Variants in KIF1B observed in about 807,000 individuals in gnomAD.
The protein encoded by KIF1B is kinesin family member 1B.
KIF1B carries 76 observed loss-of-function variants against 241.9 expected under a neutral mutation model. The observed-to-expected ratio is 0.31, with a 90% confidence interval of 0.26 to 0.38. The LOEUF is 0.38. Among genes scored for constraint, KIF1B ranks in the 10% least tolerant of loss-of-function variants. KIF1B has a pLI of 1.00. For missense variants in KIF1B, 1,622 were observed against 2,271.4 expected (o/e 0.71, Z 5.81); for synonymous variants, 750 against 796.7 (o/e 0.94, Z 0.99).
chr1:10,332,723 G>A (rs1651999823), intron 27 of KIF1B, among the ~76,000 whole-genome samples: 1 of 150,978 alleles, frequency 6.6e-6, no homozygotes, highest in Non-Finnish European at 1.5e-5. Flanking sequence ...CACCGTGTTA[G>A]CCAGGATGGT....
chr1:10,216,464 TTC>T (rs1485193496), intron 1 of KIF1B, among the ~76,000 whole-genome samples: 3 of 152,196 alleles, frequency 2.0e-5, no homozygotes, highest in African/African-American at 7.2e-5. Context: ...GCAGTTTTTA[TTC>T]TTTCTTATTA....
chr1:10,334,769 C>T, intron 28 of KIF1B, 131 bp downstream of exon 28: 2 of 737,260 alleles, frequency 2.7e-6, no homozygotes. Context: ...TATACAGACA[C>T]ATACTTTGGA....
At chr1:10,302,305 C>A (rs967385623) in intron 22 of KIF1B, among the ~76,000 whole-genome samples, 1 of 151,834 alleles carries the variant, frequency 6.6e-6, no homozygotes, top group Non-Finnish European at 1.5e-5. Context: ...CTATGAGGAT[C>A]CTTTAAAAAA....
At chr1:10,307,928 T>C in intron 22 of KIF1B, 1 of 1,051,966 alleles carries the variant, frequency 9.5e-7, no homozygotes, top group Non-Finnish European at 1.1e-6. Context: ...CCCAGTGAAT[T>C]ATTTCTCTTT....
intron 1 of KIF1B, among the ~76,000 whole-genome samples, chr1:10,216,799 C>T (rs1019595342): frequency 6.6e-6 from 1 of 152,072 alleles, no homozygotes; most frequent in African/African-American, 2.4e-5. Context: ...TTCCCTTCCT[C>T]TACTTACAAA....
At chr1:10,345,806 T>C (rs200387170) in intron 34 of KIF1B, 39 bp from the exon 35 acceptor site, 1 of 1,494,584 alleles carries the variant, frequency 6.7e-7, no homozygotes, top group Admixed American at 1.7e-5. Flanking sequence ...CTGAGTAGTC[T>C]TGGACCAGAT....
intron 34 of KIF1B, chr1:10,344,752 A>G (rs1400395609): frequency 6.6e-6 from 1 of 152,176 alleles, no homozygotes; most frequent in African/African-American, 2.4e-5. Context: ...AAGCTCCTTT[A>G]TGTACATTAT....
In KIF1B at chr1:10,303,472, G is replaced by A. The variant is rs2102270329; in HGVS notation, c.2115+6226G>A. The A allele has an allele frequency of 6.2e-7, 1 of 1,614,190 alleles. No individual in the cohort carries two copies. Among genetic ancestry groups the A allele is most frequent in the Non-Finnish European group, 8.5e-7 (1 of 1,180,042 alleles). ...CAGTCGGCAGGAGATTGAAGCCCTG[G>A]CCATTGTCAAGATGAAGGAGCTTTG... is the stretch of plus-strand genomic sequence containing the variant. On this transcript the variant is annotated intron_variant, in intron 22 of 48. Transcript: ENST00000676179. The surrounding 1 kb of genome is among the most constrained non-coding windows in gnomAD (Gnocchi z 5.2).
At chr1:10,215,158 A>G (rs1311305948) in intron 1 of KIF1B, among the ~76,000 whole-genome samples, 18 of 68,476 alleles carry the variant, frequency 2.6e-4, no homozygotes, top group African/African-American at 1.7e-3. Context: ...ATATATATAT[A>G]TATATATATA....
intron 1 of KIF1B, among the ~76,000 whole-genome samples, chr1:10,227,333 C>T (rs1646923254): frequency 6.6e-6 from 1 of 152,070 alleles, no homozygotes; most frequent in South Asian, 2.1e-4. Flanking sequence ...GTGCCTGGCC[C>T]ACAAGCCCAG....
Position 10,380,014 on chromosome 1 carries a change from CAT to C in KIF1B, c.*3429_*3430del, listed in dbSNP as rs1638982307. ...ATTATATATTTTTTCCCTTCAGTCA[CAT>C]AGACTTCAGACAACTCTCCTATTTT... On this transcript the variant is annotated 3_prime_UTR_variant, in exon 49 of 49. Transcript: ENST00000676179. 4.4e-6 allele frequency: 1 copy of C among 229,338 alleles called. No homozygotes were observed. Among genetic ancestry groups the C allele is most frequent in the Non-Finnish European group, 8.7e-6 (1 of 115,402 alleles). 14.2% of individuals were successfully genotyped at this position (229,338 alleles called of 1,614,324 possible).
At position 10,337,391 on chromosome 1, in the gene KIF1B, C is replaced by G; in HGVS notation, c.3280C>G (p.Leu1094Val). Residue 1094 changes from leucine to valine, a missense_variant, in exon 31 of 49, where the codon CTG becomes GTG. Physicochemically the swap from Leu to Val is conservative, Grantham distance 32. Around this residue, in one of 7 missense-constraint regions of KIF1B, gnomAD observed 803 missense variants for 1,112.0 expected, o/e 0.72. Transcript: ENST00000676179. This position sits in a 1 kb window ranked among gnomAD's most constrained non-coding sequence, Gnocchi z 4.0. ...NDLDLKSSTL[L>V]DGKMVMEGFS... The stretch of plus-strand genomic sequence containing the variant: ...TTTAGATTTGAAGTCAAGCACTTTG[C>G]TGGATGGTAAGATGGTAATGGAAGG... 1 of 1,614,174 alleles carries G rather than the reference C, an allele frequency of 6.2e-7. No homozygotes were observed. The highest frequency in any genetic ancestry group is 8.5e-7 in the Non-Finnish European group (1 of 1,180,040).
chr1:10,236,866 G>A (rs1647058412), intron 2 of KIF1B, among the ~76,000 whole-genome samples: 2 of 151,520 alleles, frequency 1.3e-5, no homozygotes, highest in African/African-American at 2.4e-5. Context: ...GGCTTAGAAT[G>A]GAAGTGGGCA....
In KIF1B at chr1:10,336,671, C is replaced by T; in HGVS notation, c.3058C>T (p.Pro1020Ser). ...VQAIAADEEAPDYGSGIRQSG... is the reference protein window; with the variant it reads ...VQAIAADEEASDYGSGIRQSG... ...TTCTGCTTTAGCGGATGAAGAAGCT[C>T]CTGATTATGGCTCTGGAATTCGACA... is the stretch of plus-strand genomic sequence containing the variant. Residue 1020 changes from proline to serine, a missense_variant, in exon 29 of 49, where the codon CCT (proline) becomes TCT (serine). This residue lies in a region of KIF1B where 803 missense variants were observed against 1,112.0 expected (regional missense o/e 0.72). Transcript: ENST00000676179. 1 of 1,613,848 alleles carries T rather than the reference C, an allele frequency of 6.2e-7. No homozygotes were observed. Among genetic ancestry groups the T allele is most frequent in the Non-Finnish European group, 8.5e-7 (1 of 1,179,874 alleles).
chr1:10,280,206 G>C (rs1183920737), intron 14 of KIF1B, among the ~76,000 whole-genome samples: 1 of 151,906 alleles, frequency 6.6e-6, no homozygotes, highest in African/African-American at 2.4e-5. Context: ...CTAATTTTTA[G>C]ATTTGTACTG....
chr1:10,260,388 C>T (rs1648062385), intron 4 of KIF1B, among the ~76,000 whole-genome samples: 1 of 152,202 alleles, frequency 6.6e-6, no homozygotes, highest in Non-Finnish European at 1.5e-5. Context: ...ATGTGAAGGC[C>T]TAGGACATTG....
chr1:10,281,129 T>C (rs1301215096), intron 14 of KIF1B, among the ~76,000 whole-genome samples: 2 of 152,196 alleles, frequency 1.3e-5, no homozygotes, highest in Non-Finnish European at 1.5e-5. Context: ...AAACTGGCTT[T>C]AATTAAATAG....
chr1:10,352,616 T>TA lies in KIF1B; in HGVS notation c.3950-14dup, dbSNP rs748935615. ...AAATGTGTCCGTGCTCTGTTTTTTT[T>TA]ATCCTTTCTTTTAGGTCGTATTCGG... On this transcript the variant is annotated splice_polypyrimidine_tract_variant and intron_variant, in intron 37 of 48. Transcript: ENST00000676179. 6 of 1,603,230 alleles carry TA rather than the reference T, an allele frequency of 3.7e-6. No individual in the cohort carries two copies. Among genetic ancestry groups the TA allele is most frequent in the Non-Finnish European group, 5.1e-6 (6 of 1,170,242 alleles).
Position 10,278,908 on chromosome 1 carries a change from T to A in KIF1B, c.1181-189T>A, listed in dbSNP as rs535214076. On this transcript the variant is annotated intron_variant, in intron 13 of 48. Coordinates refer to ENST00000676179, the MANE Select transcript of KIF1B (RefSeq NM_001365951.3). ...GTTCTAATAAGATTTTCAAGGCCTC[T>A]TCTAGTTTAATTCTTCTTATTGATT... 6.8e-5 allele frequency: 34 copies of A among 497,752 alleles called. No homozygotes were observed. The South Asian group carries it at 1.2e-3, about 17-fold the overall frequency. The allele number at this position is 497,752 out of a possible 1,614,324, so 30.8% of individuals were successfully genotyped here.
Sources: gnomAD v4.1 joint callset for allele counts (sites outside exome capture counted in the v4.1 genomes callset) on GRCh38, gnomAD v4.1.1 for gene constraint, gnomAD v4.1.1 regional missense constraint, Gnocchi (gnomAD v3.1) non-coding constraint, MANE v1.5 for transcripts, NCBI Gene and HGNC (gene_info 2026-07-23, HGNC 2026-07-21) for gene names.